Variants in PRKCH observed in about 807,000 individuals in gnomAD.
PRKCH encodes protein kinase C eta type.
Under a neutral mutation model 82.5 loss-of-function variants are expected in PRKCH, and 28 were observed. The observed-to-expected ratio is 0.34, with a 90% CI of 0.25 to 0.47. PRKCH has a LOEUF of 0.47. Among genes scored for constraint, PRKCH ranks in the 20% least tolerant of loss-of-function variants. The pLI is 1.00. For synonymous variants in PRKCH, 322 were observed against 327.4 expected, an observed-to-expected ratio of 0.98 and a Z score of 0.18; for missense variants, 705 against 881.8, an observed-to-expected ratio of 0.80 and a Z score of 2.54.
chr14:61,355,183 C>A (rs987210733), intron 1 of PRKCH, among the ~76,000 whole-genome samples: 1 of 152,174 alleles, frequency 6.6e-6, no homozygotes, highest in South Asian at 2.1e-4. Flanking sequence ...CTTACTTTTG[C>A]CCATACTCTG....
intron 2 of PRKCH, among the ~76,000 whole-genome samples, chr14:61,417,962 T>C (rs1882647429): frequency 6.6e-6 from 1 of 152,240 alleles, no homozygotes; most frequent in African/African-American, 2.4e-5. Flanking sequence ...TCTGACCTAC[T>C]GATTAAACTT....
At chr14:61,499,267 G>A (rs997025624) in intron 10 of PRKCH, among the ~76,000 whole-genome samples, 5 of 152,168 alleles carry the variant, frequency 3.3e-5, no homozygotes, top group Non-Finnish European at 5.9e-5. Context: ...ATGTCAAATT[G>A]TACTTTTCTG....
At chr14:61,236,948 A>G (rs61992904) in intron 1 of PRKCH, among the ~76,000 whole-genome samples, 65,111 of 151,712 alleles carry the variant, frequency 0.43, 14,227 homozygotes, top group African/African-American at 0.51. Context: ...GCAACCAGCA[A>G]CTCTTGGGGC....
At chr14:61,531,874 GA>G (rs1441747686) in intron 12 of PRKCH, among the ~76,000 whole-genome samples, 2 of 151,520 alleles carry the variant, frequency 1.3e-5, no homozygotes, top group Admixed American at 6.6e-5. Context: ...TAATTTTATG[GA>G]AAAAAAAAGT....
chr14:61,214,377 G>A (rs1388407546), intron 1 of PRKCH, among the ~76,000 whole-genome samples: 3 of 152,076 alleles, frequency 2.0e-5, no homozygotes, highest in South Asian at 2.1e-4. Flanking sequence ...GATCATCACG[G>A]TCCAGTCTAT....
chr14:61,281,178 G>T, intron 1 of PRKCH: 1 of 1,270,268 alleles, frequency 7.9e-7, no homozygotes, highest in South Asian at 3.0e-5. Flanking sequence ...CGCGCGGGCT[G>T]ACCGAGTGGG....
intron 12 of PRKCH, among the ~76,000 whole-genome samples, chr14:61,546,505 C>T (rs1272023328): frequency 6.6e-6 from 1 of 152,218 alleles, no homozygotes; most frequent in Admixed American, 6.5e-5. Flanking sequence ...GGAACTTTTG[C>T]AGCCTCCTTC....
intron 1 of PRKCH, among the ~76,000 whole-genome samples, chr14:61,330,224 G>C (rs1265012328): frequency 1.3e-5 from 2 of 152,210 alleles, no homozygotes; most frequent in Non-Finnish European, 2.9e-5. Context: ...GAAAAACAAA[G>C]AGCTGACTTT....
intron 12 of PRKCH, among the ~76,000 whole-genome samples, chr14:61,532,183 A>G (rs1026384382): frequency 1.3e-5 from 2 of 152,096 alleles, no homozygotes; most frequent in African/African-American, 4.8e-5. Context: ...TAGCTGATTT[A>G]GTAGTTTTAA....
intron 2 of PRKCH, among the ~76,000 whole-genome samples, chr14:61,403,174 A>G (rs573628039): frequency 1.3e-4 from 20 of 152,182 alleles, no homozygotes; most frequent in Admixed American, 2.6e-4. Flanking sequence ...TGGAATTGTT[A>G]TTGTTTTTAA....
intron 10 of PRKCH, among the ~76,000 whole-genome samples, chr14:61,518,396 A>G (rs2042856413): frequency 6.6e-6 from 1 of 151,866 alleles, no homozygotes; most frequent in African/African-American, 2.4e-5. Flanking sequence ...AGGGAATTTC[A>G]GCTCTCCTGG....
chr14:61,242,330 A>C (rs148878179), intron 1 of PRKCH, among the ~76,000 whole-genome samples: 162 of 152,310 alleles, frequency 1.1e-3, no homozygotes, highest in African/African-American at 3.8e-3. Context: ...AGTACATTTT[A>C]AGAAAACTCT....
intron 10 of PRKCH, among the ~76,000 whole-genome samples, chr14:61,502,103 C>T (rs1394682811): frequency 7.1e-6 from 1 of 140,058 alleles, no homozygotes; most frequent in Middle Eastern, 4.0e-3. Flanking sequence ...GTCTCACTCT[C>T]ACTCAGGCAG....
chr14:61,199,052 G>C (rs1470077527), intron 1 of PRKCH, among the ~76,000 whole-genome samples: 2 of 152,092 alleles, frequency 1.3e-5, no homozygotes, highest in African/African-American at 4.8e-5. Flanking sequence ...TATCTGAAAG[G>C]AAACTGGAAT....
At chr14:61,248,421 A>ATT (rs2044906777) in intron 1 of PRKCH, among the ~76,000 whole-genome samples, 1 of 152,234 alleles carries the variant, frequency 6.6e-6, no homozygotes, top group Non-Finnish European at 1.5e-5. Context: ...AGCAGCATAA[A>ATT]CAAAGCTAAG....
chr14:61,240,169 C>T (rs1044079333), intron 1 of PRKCH, among the ~76,000 whole-genome samples: 2 of 152,022 alleles, frequency 1.3e-5, no homozygotes, highest in Admixed American at 1.3e-4. Flanking sequence ...CACGGACACA[C>T]GTGGAGTGAT....
intron 10 of PRKCH, among the ~76,000 whole-genome samples, chr14:61,497,643 A>G (rs924147761): frequency 6.6e-6 from 1 of 152,136 alleles, no homozygotes; most frequent in African/African-American, 2.4e-5. Flanking sequence ...TAGTCCCCAA[A>G]CACCCCCATA....
intron 1 of PRKCH, among the ~76,000 whole-genome samples, chr14:61,334,866 ATTAAT>A (rs903485765): frequency 1.1e-4 from 16 of 151,916 alleles, no homozygotes; most frequent in African/African-American, 3.9e-4. Context: ...AAATTAATTA[ATTAAT>A]TTATTTAATT....
intron 1 of PRKCH, among the ~76,000 whole-genome samples, chr14:61,363,565 A>T: frequency 6.6e-6 from 1 of 152,290 alleles, no homozygotes; most frequent in Admixed American, 6.5e-5. Context: ...TATAGGAGGA[A>T]GAATGGGTAT....
Sources: allele counts gnomAD v4.1 joint callset (sites outside exome capture counted in the v4.1 genomes callset), GRCh38; gene constraint gnomAD v4.1.1; transcripts MANE v1.5; gene names NCBI Gene and HGNC (gene_info 2026-07-23, HGNC 2026-07-21).